The following MRPL10 variants were observed in gnomAD, a reference collection of about 807,000 sequenced individuals.
The protein encoded by MRPL10 is large ribosomal subunit protein uL10m.
Under a neutral mutation model 19.8 loss-of-function variants are expected in MRPL10, and 14 were observed. That is an observed-to-expected ratio of 0.71 (90% CI 0.47 to 1.11). The LOEUF (loss-of-function observed/expected upper bound fraction) is 1.11. Ranked by LOEUF, MRPL10 falls within the 50% of genes least tolerant of loss-of-function variation. The pLI is 0.00. For missense variants in MRPL10, 318 were observed against 339.6 expected, an observed-to-expected ratio of 0.94 and a Z score of 0.50; for synonymous variants, 129 against 139.2, an observed-to-expected ratio of 0.93 and a Z score of 0.52.
At position 47,824,421 on chromosome 17, in the gene MRPL10, G is replaced by A; in HGVS notation, c.570C>T (p.Gly190=). 1.9e-6 allele frequency: 3 copies of A among 1,571,306 alleles called. No individual in the cohort carries two copies. The highest frequency in any genetic ancestry group is 2.6e-6 in the Non-Finnish European group (3 of 1,157,692). ...CIDDTILSRQ[G]FINYSKLPSL... Reference sequence around the variant, plus strand: ...TGGGGAGCTTGGAGTAGTTGATAAAGCCCTGCCTGCTGAGGATGGTGTCAT... The same window carrying A: ...TGGGGAGCTTGGAGTAGTTGATAAAACCCTGCCTGCTGAGGATGGTGTCAT... Residue 190 remains glycine (G), a synonymous_variant, in exon 5 of 5, where the codon GGC becomes GGT. Transcript: ENST00000351111.
intron 2 of MRPL10, among the ~76,000 whole-genome samples, chr17:47,827,894 C>CCAAA (rs770817693): frequency 2.2e-5 from 1 of 45,716 alleles, no homozygotes; most frequent in Non-Finnish European, 3.5e-5. Context: ...CTCTGTCTCA[C>CCAAA]AAAAAAAAAA....
intron 1 of MRPL10, among the ~76,000 whole-genome samples, chr17:47,830,628 C>CCT (rs2033614220): frequency 1.3e-5 from 2 of 152,144 alleles, no homozygotes; most frequent in Admixed American, 6.5e-5. Flanking sequence ...GCCTCAGCCT[C>CCT]CTGAGTAGCG....
At chr17:47,825,343 A>T (rs1732174029) in intron 4 of MRPL10, among the ~76,000 whole-genome samples, 1 of 152,162 alleles carries the variant, frequency 6.6e-6, no homozygotes, top group African/African-American at 2.4e-5. Flanking sequence ...AAAACAAAGA[A>T]TCAGGCTGGG....
chr17:47,828,502 TC>T lies in MRPL10; in HGVS notation c.220del (p.Glu74ArgfsTer3). 7.0e-7 allele frequency: 1 copy of T among 1,419,170 alleles called. No individual in the cohort carries two copies. Among genetic ancestry groups the T allele is most frequent in the Non-Finnish European group, 9.2e-7 (1 of 1,081,482 alleles). 87.9% of individuals were successfully genotyped at this position (1,419,170 alleles called of 1,614,324 possible). On this transcript the variant is annotated frameshift_variant and splice_region_variant, in exon 2 of 5. Coordinates refer to ENST00000351111, the MANE Select transcript of MRPL10 (RefSeq NM_145255.4). LOFTEE classifies it high-confidence loss of function. ...CLPSPPSPPQ[E>X]EIGLIRLLRR... ...ACATGTACCCAAATTCCTCCTTACC[TC>T]CTGTGGGGGGCTGGGAGGAGATGGC...
intron 2 of MRPL10, among the ~76,000 whole-genome samples, chr17:47,827,767 A>T (rs993032300): frequency 6.6e-6 from 1 of 151,876 alleles, no homozygotes; most frequent in Non-Finnish European, 1.5e-5. Context: ...GCATGGTGGC[A>T]TGTGCCTATA....
rs771757220 is a variant in MRPL10 at position 47,827,037 on chromosome 17, T to G, written c.387+3A>C. ...AACCCATGCCAAGGGGCCTGCTCCC[T>G]ACCTGGTTGGGGAAGACCTTCATCA... On this transcript the variant is annotated splice_donor_region_variant and intron_variant, in intron 3 of 4. Transcript: ENST00000351111. The G allele has an allele frequency of 6.2e-7, 1 of 1,608,362 alleles. No homozygotes were observed.
Position 47,824,024 on chromosome 17 carries a change from T to G in MRPL10, c.*181A>C. The stretch of plus-strand genomic sequence containing the variant: ...GAAAACTAAGGACGAAGCCGGTGAC[T>G]GACATCTGAAATGGAATCCTCTGCA... On this transcript the variant is annotated 3_prime_UTR_variant, in exon 5 of 5. Coordinates refer to ENST00000351111, the MANE Select transcript of MRPL10 (RefSeq NM_145255.4). 2 of 739,434 alleles carry G rather than the reference T, an allele frequency of 2.7e-6. No individual in the cohort carries two copies. Among genetic ancestry groups the G allele is most frequent in the Non-Finnish European group, 4.4e-6 (2 of 458,256 alleles). The allele number at this position is 739,434 out of a possible 1,614,324, so 45.8% of individuals were successfully genotyped here.
Position 47,824,452 on chromosome 17 carries a change from C to A in MRPL10, c.539G>T (p.Cys180Phe). The stretch of plus-strand genomic sequence containing the variant: ...CCTGCTGAGGATGGTGTCATCAATG[C>A]AGCCACCTGGAAGAACACAGGGTCA... Reference protein sequence around the residue: ...TVPFLPLLGGCIDDTILSRQG... With the variant: ...TVPFLPLLGGFIDDTILSRQG... Residue 180 changes from cysteine to phenylalanine, a missense_variant, in exon 5 of 5, where the codon TGC becomes TTC. By Grantham distance (205) the Cys-to-Phe change is radical (BLOSUM62 -2). Transcript: ENST00000351111. The A allele has an allele frequency of 6.5e-7, 1 of 1,532,838 alleles. No homozygotes were observed. 95.0% of individuals were successfully genotyped at this position (1,532,838 alleles called of 1,614,324 possible).
At position 47,827,129 on chromosome 17, in the gene MRPL10, G is replaced by C; in HGVS notation, c.298C>G (p.Gln100Glu). 6.2e-7 allele frequency: 1 copy of C among 1,614,164 alleles called. No homozygotes were observed. Among genetic ancestry groups the C allele is most frequent in the Admixed American group, 1.7e-5 (1 of 60,008 alleles). The change falls in exon 3 of 5, where the codon CAG becomes GAG. Residue 100 changes from glutamine to glutamate, a missense_variant. Physicochemically the swap from Gln to Glu is conservative, Grantham distance 29 (BLOSUM62 2). Transcript: ENST00000351111. ...TCCTCTGCACTCAGAGCCACATTCT[G>C]GCAGACGGCTATCATTCGGTTGTCC... is the stretch of plus-strand genomic sequence containing the variant. Reference protein sequence around the residue: ...FQDNRMIAVCQNVALSAEDKL... With the variant: ...FQDNRMIAVCENVALSAEDKL...
At position 47,826,623 on chromosome 17, in the gene MRPL10, G is replaced by C. The variant is rs1256068252; in HGVS notation, c.532+14C>G. The C allele has an allele frequency of 2.5e-6, 4 of 1,612,490 alleles. No individual in the cohort carries two copies. The highest frequency in any genetic ancestry group is 3.4e-6 in the Non-Finnish European group (4 of 1,179,894). On this transcript the variant is annotated intron_variant, in intron 4 of 4. Transcript: ENST00000351111. ...TCTTCACCCCACCCCTAACTGGCAG[G>C]GGTGCTTGCTCACCTAGCAGCGGCA...
At chr17:47,829,265 A>G (rs1344317201) in intron 1 of MRPL10, 1 of 100,738 alleles carries the variant, frequency 9.9e-6, no homozygotes, top group Non-Finnish European at 2.2e-5. Flanking sequence ...TCCGTCTCAG[A>G]AAAAAAAAGA....
chr17:47,828,649 G>T lies in MRPL10; in HGVS notation c.74C>A (p.Thr25Asn), dbSNP rs757589669. Residue 25 changes from threonine to asparagine, a missense_variant, in exon 2 of 5, where the codon ACT becomes AAT. Transcript: ENST00000351111. ...PQAGRLPTLQTVRYGSKAVTR... is the reference protein window; with the variant it reads ...PQAGRLPTLQNVRYGSKAVTR... ...AACAGCCTTGGAGCCATAGCGGACA[G>T]TCTGGAGGGTAGGCAGCCGGCCTGG... The T allele has an allele frequency of 1.3e-6, 2 of 1,519,648 alleles. No individual in the cohort carries two copies. The highest frequency in any genetic ancestry group is 5.2e-5 in the Admixed American group (2 of 38,796). 94.1% of individuals were successfully genotyped at this position (1,519,648 alleles called of 1,614,324 possible).
intron 1 of MRPL10, 47 bp downstream of exon 1, chr17:47,831,413 A>G (rs1226635403): frequency 6.5e-7 from 1 of 1,547,292 alleles, no homozygotes; most frequent in African/African-American, 1.4e-5. Context: ...GATGAGGACT[A>G]GAGAGCGGCC....
intron 1 of MRPL10, 168 bp downstream of exon 1, chr17:47,831,292 A>G: frequency 1.3e-6 from 2 of 1,519,388 alleles, no homozygotes; most frequent in Admixed American, 2.1e-5. Flanking sequence ...CAACATCTGG[A>G]CGTTGTTGCT....
chr17:47,828,585 C>T lies in MRPL10; in HGVS notation c.138G>A (p.Lys46=). The change falls in exon 2 of 5, where the codon AAG becomes AAA. Residue 46 remains lysine, a synonymous_variant. Transcript: ENST00000351111. Reference sequence around the variant, plus strand: ...GGATATATTCAGTCACAGCCATCAGCTTCTGCCGCTGAAAGTGCATCACAC... The same window carrying T: ...GGATATATTCAGTCACAGCCATCAGTTTCTGCCGCTGAAAGTGCATCACAC... The part of the protein sequence containing the change: ...HRRVMHFQRQ[K]LMAVTEYIPP... 2.0e-6 allele frequency: 3 copies of T among 1,519,550 alleles called. No homozygotes were observed. The highest frequency in any genetic ancestry group is 2.6e-6 in the Non-Finnish European group (3 of 1,140,700). 94.1% of individuals were successfully genotyped at this position (1,519,550 alleles called of 1,614,324 possible).
chr17:47,824,673 T>C (rs758199148), intron 4 of MRPL10, among the ~76,000 whole-genome samples: 11 of 152,192 alleles, frequency 7.2e-5, no homozygotes, highest in Non-Finnish European at 1.3e-4. Context: ...TATATCCACC[T>C]GGCCCTGACC....
At chr17:47,830,662 C>T (rs972493688) in intron 1 of MRPL10, among the ~76,000 whole-genome samples, 3 of 152,326 alleles carry the variant, frequency 2.0e-5, no homozygotes, top group African/African-American at 4.8e-5. Flanking sequence ...CGCGCCACCA[C>T]ACCCGGCTCA....
chr17:47,828,327 G>C, intron 2 of MRPL10, 174 bp downstream of exon 2: 1 of 477,646 alleles, frequency 2.1e-6, no homozygotes, highest in Non-Finnish European at 3.5e-6. Context: ...GAGCCCAAAA[G>C]CCAATACAGA....
rs182551971 is a variant in MRPL10, at chr17:47,828,157, C to T, written c.222+344G>A. Among the ~76,000 whole-genome samples, 10 of 150,948 alleles carry T rather than the reference C, an allele frequency of 6.6e-5. No homozygotes were observed. In the East Asian group the frequency reaches 1.6e-3, roughly 24 times the overall value. On this transcript the variant is annotated intron_variant, in intron 2 of 4. Coordinates refer to ENST00000351111, the MANE Select transcript of MRPL10 (RefSeq NM_145255.4). ...GGCAGAGGCTGCAGTGAGCCAAGAT[C>T]GCGCCATTGTACTCCAGCTTGGGCA... is the stretch of plus-strand genomic sequence containing the variant.
Sources: gnomAD v4.1 joint callset for allele counts (sites outside exome capture counted in the v4.1 genomes callset) on GRCh38, gnomAD v4.1.1 for gene constraint, MANE v1.5 for transcripts, NCBI Gene and HGNC (gene_info 2026-07-23, HGNC 2026-07-21) for gene names.